CEPT1: variants seen among roughly 807,000 people sequenced by gnomAD.
The protein encoded by CEPT1 is choline/ethanolaminephosphotransferase 1.
Under a neutral mutation model 42.6 loss-of-function variants are expected in CEPT1, and 7 were observed. The observed-to-expected ratio is 0.16, with a 90% confidence interval of 0.09 to 0.31. CEPT1 has a LOEUF of 0.31. Among genes scored for constraint, CEPT1 ranks in the 10% least tolerant of loss-of-function variants. CEPT1 has a pLI of 1.00. For missense variants in CEPT1, 306 were observed against 502.1 expected, an observed-to-expected ratio of 0.61 and a Z score of 3.73; for synonymous variants, 171 against 171.9, an observed-to-expected ratio of 0.99 and a Z score of 0.04.
chr1:111,161,581 T>C (rs1037664546), intron 4 of CEPT1, among the ~76,000 whole-genome samples: 27 of 152,186 alleles, frequency 1.8e-4, no homozygotes, highest in Non-Finnish European at 3.4e-4. Context: ...TCACTTTTTT[T>C]CCCCACCATT....
intron 2 of CEPT1, among the ~76,000 whole-genome samples, chr1:111,158,251 G>A (rs529981131): frequency 6.6e-6 from 1 of 152,256 alleles, no homozygotes; most frequent in South Asian, 2.1e-4. Flanking sequence ...TACTAGGGAG[G>A]GTGAGGCAGG....
At chr1:111,154,681 A>T (rs1388368560) in intron 2 of CEPT1, among the ~76,000 whole-genome samples, 1 of 152,190 alleles carries the variant, frequency 6.6e-6, no homozygotes, top group Admixed American at 6.5e-5. Context: ...ATTTGTGGTG[A>T]CGTTTTATCT....
At chr1:111,176,974 G>A (rs1656707302) in intron 5 of CEPT1, among the ~76,000 whole-genome samples, 2 of 152,154 alleles carry the variant, frequency 1.3e-5, no homozygotes, top group African/African-American at 4.8e-5. Context: ...AAAAGATAAT[G>A]TATTCAGGGT....
chr1:111,170,089 G>A (rs561712879), intron 4 of CEPT1, among the ~76,000 whole-genome samples: 2 of 152,262 alleles, frequency 1.3e-5, no homozygotes, highest in East Asian at 3.9e-4. Flanking sequence ...CTCCCCAGTG[G>A]TTGGCAAATT....
intron 2 of CEPT1, among the ~76,000 whole-genome samples, chr1:111,149,849 A>G (rs957900976): frequency 6.6e-6 from 1 of 152,232 alleles, no homozygotes; most frequent in African/African-American, 2.4e-5. Flanking sequence ...AGGTTCAAGG[A>G]TAGTTCAGCC....
intron 4 of CEPT1, among the ~76,000 whole-genome samples, chr1:111,161,837 C>G (rs1474160541): frequency 6.6e-6 from 1 of 152,148 alleles, no homozygotes; most frequent in Non-Finnish European, 1.5e-5. Flanking sequence ...TATTCTCTTT[C>G]CCTTTCAAAT....
intron 1 of CEPT1, among the ~76,000 whole-genome samples, chr1:111,146,653 C>A (rs1654984203): frequency 6.6e-6 from 1 of 152,066 alleles, no homozygotes; most frequent in South Asian, 2.1e-4. Context: ...CATTCTGATT[C>A]ATCTTGAAAA....
At chr1:111,146,083 T>C (rs1248914916) in intron 1 of CEPT1, among the ~76,000 whole-genome samples, 2 of 148,968 alleles carry the variant, frequency 1.3e-5, no homozygotes, top group Non-Finnish European at 3.0e-5. Flanking sequence ...ATTCTTTCTT[T>C]TTTTTTTTTT....
At chr1:111,154,646 T>C (rs1339087554) in intron 2 of CEPT1, among the ~76,000 whole-genome samples, 1 of 152,220 alleles carries the variant, frequency 6.6e-6, no homozygotes, top group Non-Finnish European at 1.5e-5. Context: ...CCTTGTTGTG[T>C]TGAGGTATGT....
At position 111,174,892 on chromosome 1, in the gene CEPT1, G is replaced by A; in HGVS notation, c.643G>A (p.Glu215Lys). The stretch of plus-strand genomic sequence containing the variant: ...GTACCTAATCAGAATTGATGTGACT[G>A]AAGTGCAAATCTTCATAATAATCAT... Reference protein sequence around the residue: ...TLRFGIIDVTEVQIFIIIMHL... With the variant: ...TLRFGIIDVTKVQIFIIIMHL... Residue 215 changes from glutamate to lysine, a missense_variant, in exon 5 of 9, where the codon GAA becomes AAA. Around this residue, in one of 2 missense-constraint regions of CEPT1, gnomAD observed 253 missense variants for 447.3 expected, o/e 0.57. Coordinates refer to ENST00000357172, the MANE Select transcript of CEPT1 (RefSeq NM_006090.5). 6.2e-7 allele frequency: 1 copy of A among 1,610,628 alleles called. No homozygotes were observed. The highest frequency in any genetic ancestry group is 8.5e-7 in the Non-Finnish European group (1 of 1,177,086).
intron 2 of CEPT1, among the ~76,000 whole-genome samples, chr1:111,151,964 G>A (rs1557924924): frequency 6.6e-6 from 1 of 152,066 alleles, no homozygotes; most frequent in Non-Finnish European, 1.5e-5. Flanking sequence ...TGATTTGTAG[G>A]GCATGACTCC....
rs1009162614 is a variant in CEPT1, at chr1:111,152,804, C to T, written c.339+4751C>T. On this transcript the variant is annotated intron_variant, in intron 2 of 8. Transcript: ENST00000357172. ...AAATAGTAATAAAACTCATATTGTA[C>T]CTGCCCATATATATGCCCGCCAAAA... Among the ~76,000 whole-genome samples, 3 of 151,988 alleles carry T rather than the reference C, an allele frequency of 2.0e-5. No individual in the cohort carries two copies. The East Asian group carries it at 5.8e-4, about 29-fold the overall frequency.
chr1:111,161,994 G>T (rs1655899089), intron 4 of CEPT1, among the ~76,000 whole-genome samples: 1 of 152,178 alleles, frequency 6.6e-6, no homozygotes, highest in Non-Finnish European at 1.5e-5. Context: ...TCATGATGTT[G>T]TCCTGTGATG....
chr1:111,144,739 A>C (rs987853987), intron 1 of CEPT1, among the ~76,000 whole-genome samples: 115 of 152,318 alleles, frequency 7.5e-4, no homozygotes, highest in African/African-American at 2.5e-3. Context: ...CTGAATTTTT[A>C]ATTCCCATTT....
intron 5 of CEPT1, chr1:111,179,626 G>T (rs1403430661): frequency 6.6e-6 from 1 of 152,152 alleles, no homozygotes; most frequent in East Asian, 1.9e-4. Context: ...ATTTTTAAAG[G>T]ATCACCTGGT....
chr1:111,143,157 A>T (rs1557917600), intron 1 of CEPT1, among the ~76,000 whole-genome samples: 1 of 152,152 alleles, frequency 6.6e-6, no homozygotes, highest in Non-Finnish European at 1.5e-5. Flanking sequence ...TAATTCTCCA[A>T]ACTTCATTTT....
intron 4 of CEPT1, among the ~76,000 whole-genome samples, chr1:111,172,471 T>A (rs1656468749): frequency 6.6e-6 from 1 of 152,220 alleles, no homozygotes; most frequent in South Asian, 2.1e-4. Context: ...ATTTCCTGTA[T>A]GATCAAAAAG....
intron 1 of CEPT1, among the ~76,000 whole-genome samples, chr1:111,142,101 TC>T (rs1182745389): frequency 6.6e-6 from 1 of 152,116 alleles, no homozygotes; most frequent in African/African-American, 2.4e-5. Context: ...CATGCTAAAG[TC>T]CACACAGGAA....
intron 4 of CEPT1, among the ~76,000 whole-genome samples, chr1:111,173,548 G>C (rs764824858): frequency 1.3e-5 from 2 of 152,076 alleles, no homozygotes; most frequent in Non-Finnish European, 2.9e-5. Flanking sequence ...TCCCTTTGCT[G>C]TTGTTACCTA....
Sources: allele counts gnomAD v4.1 joint callset (sites outside exome capture counted in the v4.1 genomes callset), GRCh38; gene constraint gnomAD v4.1.1; regional missense constraint gnomAD v4.1.1; transcripts MANE v1.5; gene names NCBI Gene and HGNC (gene_info 2026-07-23, HGNC 2026-07-21).